ACOXL: variants seen among roughly 807,000 people sequenced by gnomAD.
ACOXL encodes acyl-CoA oxidase like.
ACOXL carries 70 observed loss-of-function variants against 71.9 expected under a neutral mutation model. The ratio of observed to expected loss-of-function variants is 0.97; its 90% CI spans 0.80 to 1.19. The LOEUF is 1.19. ACOXL is among the 50% of genes most tolerant of loss of function. ACOXL has a pLI of 0.00. For missense variants in ACOXL, 703 were observed against 736.3 expected (o/e 0.95, Z 0.52); for synonymous variants, 253 against 281.6 (o/e 0.90, Z 1.02).
intron 2 of ACOXL, among the ~76,000 whole-genome samples, chr2:110,777,281 T>C (rs1183921989): frequency 6.6e-6 from 1 of 152,050 alleles, no homozygotes; most frequent in East Asian, 1.9e-4. Context: ...TGGAGCCTGG[T>C]GGGAAGGACC....
intron 9 of ACOXL, among the ~76,000 whole-genome samples, chr2:110,825,336 A>G (rs1689045265): frequency 1.3e-5 from 2 of 152,168 alleles, no homozygotes; most frequent in African/African-American, 2.4e-5. Context: ...ATAACAATTA[A>G]AAAACCGGAA....
intron 10 of ACOXL, among the ~76,000 whole-genome samples, chr2:110,843,909 G>A (rs1691482283): frequency 6.6e-6 from 1 of 152,238 alleles, no homozygotes; most frequent in African/African-American, 2.4e-5. Context: ...ATGAGATTGA[G>A]GGAAGGAAAG....
chr2:111,022,388 C>A (rs939619850), intron 14 of ACOXL, among the ~76,000 whole-genome samples: 36 of 150,820 alleles, frequency 2.4e-4, no homozygotes, highest in African/African-American at 8.1e-4. Flanking sequence ...AAGAAAAATA[C>A]AGGAAGACAG....
chr2:111,083,518 G>A (rs1007171992), intron 16 of ACOXL, among the ~76,000 whole-genome samples: 1 of 151,746 alleles, frequency 6.6e-6, no homozygotes, highest in Non-Finnish European at 1.5e-5. Context: ...CATGTGCAAG[G>A]TGGTGGCAAC....
chr2:111,101,318 G>A (rs2069141146), intron 17 of ACOXL: 1 of 152,152 alleles, frequency 6.6e-6, no homozygotes, highest in South Asian at 2.1e-4. Flanking sequence ...TCTCAAATCT[G>A]AACTTCAAGA....
chr2:110,844,000 T>TGGTA (rs1455204593), intron 10 of ACOXL, among the ~76,000 whole-genome samples: 3 of 152,092 alleles, frequency 2.0e-5, no homozygotes, highest in Non-Finnish European at 4.4e-5. Context: ...AGGGAGCGAG[T>TGGTA]GGTAGCCCAG....
intron 10 of ACOXL, among the ~76,000 whole-genome samples, chr2:110,874,159 C>G (rs1695609311): frequency 6.6e-6 from 1 of 152,184 alleles, no homozygotes; most frequent in Non-Finnish European, 1.5e-5. Context: ...CCTCAGCAGC[C>G]TGGGGGGCTC....
chr2:110,833,447 C>T (rs1690076908), intron 9 of ACOXL, among the ~76,000 whole-genome samples: 1 of 152,144 alleles, frequency 6.6e-6, no homozygotes, highest in African/African-American at 2.4e-5. Context: ...GTAGGTGTGG[C>T]TACACACGGT....
intron 14 of ACOXL, among the ~76,000 whole-genome samples, chr2:110,998,950 AT>A (rs2063507707): frequency 6.6e-6 from 1 of 152,268 alleles, no homozygotes; most frequent in African/African-American, 2.4e-5. Context: ...AAAAAATGAT[AT>A]TTTAAAAGAT....
At chr2:111,074,769 A>G (rs758615057) in intron 16 of ACOXL, among the ~76,000 whole-genome samples, 1 of 151,416 alleles carries the variant, frequency 6.6e-6, no homozygotes, top group African/African-American at 2.4e-5. Flanking sequence ...TAATTTCTAT[A>G]TTTTTTTTAG....
At chr2:110,824,839 C>A (rs1688994342) in intron 9 of ACOXL, among the ~76,000 whole-genome samples, 1 of 152,080 alleles carries the variant, frequency 6.6e-6, no homozygotes, top group Admixed American at 6.6e-5. Flanking sequence ...TGTCTTTTAT[C>A]TTGGGAATGG....
In ACOXL at chr2:110,995,996, T is replaced by C. The variant is rs1322269666; in HGVS notation, c.1273T>C (p.Tyr425His). Residue 425 changes from tyrosine (Y) to histidine (H), a missense_variant, in exon 14 of 18, where the codon TAT becomes CAT. Physicochemically the swap from Tyr to His is moderately conservative, Grantham distance 83 (BLOSUM62 2). Transcript: ENST00000439055. ...TCAGCGGGGTTTGGTGGCCAGAATT[T>C]ATTATAAGGTAAAGATACACTGTGT... ...VLQRGLVARI[Y>H]YKVKTKKEDF... 1 of 1,589,512 alleles carries C rather than the reference T, an allele frequency of 6.3e-7. No individual in the cohort carries two copies. The highest frequency in any genetic ancestry group is 1.7e-5 in the Admixed American group (1 of 58,622).
intron 16 of ACOXL, among the ~76,000 whole-genome samples, chr2:111,072,303 TCTTTTTGA>T (rs1214460562): frequency 6.6e-6 from 1 of 152,238 alleles, no homozygotes; most frequent in Non-Finnish European, 1.5e-5. Flanking sequence ...TATAATTTTG[TCTTTTTGA>T]CAAAATTCCA....
rs563024662 is a variant in ACOXL, at chr2:111,062,365, ATTACAG to A, written c.1440+13084_1440+13089del. 4.2e-4 allele frequency among the ~76,000 whole-genome samples: 64 copies of A among 152,256 alleles called. 1 individual carries two copies. In the East Asian group the frequency reaches 0.011, roughly 27 times the overall value. ...AAAAGGAGAAACAGACAAGTCTACA[ATTACAG>A]TTACAGACTTCAACACTCCTCTCTC... On this transcript the variant is annotated intron_variant, in intron 16 of 17. Coordinates refer to ENST00000439055, the MANE Select transcript of ACOXL (RefSeq NM_001142807.4).
At chr2:110,820,739 G>C (rs911602425) in intron 9 of ACOXL, among the ~76,000 whole-genome samples, 2 of 152,180 alleles carry the variant, frequency 1.3e-5, no homozygotes, top group Non-Finnish European at 2.9e-5. Context: ...TGAAGATGTG[G>C]TTTGTACCGG....
At chr2:110,866,365 C>T (rs1184609672) in intron 10 of ACOXL, among the ~76,000 whole-genome samples, 3 of 152,114 alleles carry the variant, frequency 2.0e-5, no homozygotes, top group Non-Finnish European at 2.9e-5. Flanking sequence ...AGGGAGAAGA[C>T]GGGCTTTGGA....
intron 2 of ACOXL, among the ~76,000 whole-genome samples, chr2:110,781,736 C>G (rs1206404169): frequency 6.6e-6 from 1 of 152,112 alleles, no homozygotes; most frequent in East Asian, 1.9e-4. Flanking sequence ...CTGGTTAGCC[C>G]AGGAGGTGAG....
At chr2:111,058,972 T>G (rs80266080) in intron 16 of ACOXL, among the ~76,000 whole-genome samples, 2,629 of 152,248 alleles carry the variant, frequency 0.017, 70 homozygotes, top group African/African-American at 0.053. Context: ...CAGGGCAGTG[T>G]CTCATGCCTA....
intron 3 of ACOXL, among the ~76,000 whole-genome samples, chr2:110,787,855 C>G (rs1179308288): frequency 1.3e-5 from 2 of 152,206 alleles, no homozygotes; most frequent in Non-Finnish European, 2.9e-5. Context: ...AAGCCTTCAA[C>G]TTGAGTCCCA....
Sources: gnomAD v4.1 joint callset for allele counts (sites outside exome capture counted in the v4.1 genomes callset) on GRCh38, gnomAD v4.1.1 for gene constraint, MANE v1.5 for transcripts, NCBI Gene and HGNC (gene_info 2026-07-23, HGNC 2026-07-21) for gene names.